Variants in ATAD3C observed in about 807,000 individuals in gnomAD.
ATAD3C encodes ATPase family AAA domain containing 3C, also known as ATPase family AAA domain-containing protein 3C.
ATAD3C carries 38 observed loss-of-function variants against 46.3 expected under a neutral mutation model. The ratio of observed to expected loss-of-function variants is 0.82; its 90% CI spans 0.63 to 1.08. ATAD3C has a LOEUF of 1.08. ATAD3C is among the 50% of genes least tolerant of loss of function. ATAD3C has a pLI of 0.00. For missense variants in ATAD3C, 563 were observed against 572.7 expected, an observed-to-expected ratio of 0.98 and a Z score of 0.17; for synonymous variants, 220 against 236.4, an observed-to-expected ratio of 0.93 and a Z score of 0.63.
rs1259384008 is a variant in ATAD3C, at chr1:1,453,642, C to CTT, written c.223-703_223-702insTT. 5.1e-4 allele frequency among the ~76,000 whole-genome samples: 49 copies of CTT among 96,292 alleles called. No individual in the cohort carries two copies. In the East Asian group the frequency reaches 0.03, roughly 59 times the overall value. The allele number at this position is 96,292 out of a possible 152,430, so 63.2% of individuals were successfully genotyped here. On this transcript the variant is annotated intron_variant, in intron 3 of 11. Coordinates refer to ENST00000378785, the MANE Select transcript of ATAD3C (RefSeq NM_001039211.3). ...ATGAGCCACCAGGCCTGGCATAAAC[C>CTT]ATTTTTTTTTTTTTGAGATGGAGTT...
In ATAD3C at chr1:1,460,815, AC is replaced by A. The variant is rs1557780025; in HGVS notation, c.879del (p.Asp293GlufsTer2). On this transcript the variant is annotated frameshift_variant, in exon 10 of 12. Transcript: ENST00000378785. LOFTEE classifies it high-confidence loss of function. ...QFDWAINACI[D>X]VMVHFDLPGQ... ...GACTGGGCCATCAATGCCTGCATCG[AC>A]GTGATGGTCCACTTCGACCTGCCAG... The A allele has an allele frequency of 4.2e-5, 68 of 1,612,964 alleles. No homozygotes were observed. Among genetic ancestry groups the A allele is most frequent in the Non-Finnish European group, 5.7e-5 (67 of 1,179,394 alleles).
At chr1:1,464,796 C>T (rs1639121480) in intron 11 of ATAD3C, among the ~76,000 whole-genome samples, 1 of 151,926 alleles carries the variant, frequency 6.6e-6, no homozygotes, top group Non-Finnish European at 1.5e-5. Context: ...GAATGGTTTT[C>T]CTATTTTTGT....
chr1:1,449,733 C>A lies in ATAD3C; in HGVS notation c.-951C>A, dbSNP rs1175163043. The A allele has an allele frequency of 6.6e-6, 1 of 151,952 alleles. No homozygotes were observed. Among genetic ancestry groups the A allele is most frequent in the Admixed American group, 6.6e-5 (1 of 15,206 alleles). 9.4% of individuals were successfully genotyped at this position (151,952 alleles called of 1,614,324 possible). On this transcript the variant is annotated 5_prime_UTR_variant, in exon 1 of 12. Coordinates refer to ENST00000378785, the MANE Select transcript of ATAD3C (RefSeq NM_001039211.3). ...AGGTCCTGCATATTTTCTCAATGGG[C>A]CACCGCGCCCGGCCAGAAGATTTTT...
In ATAD3C at chr1:1,470,052, A is replaced by G. The variant is rs1009227018; in HGVS notation, c.*1522A>G. 1.3e-5 allele frequency: 2 copies of G among 151,886 alleles called. No homozygotes were observed. The highest frequency in any genetic ancestry group is 4.8e-5 in the African/African-American group (2 of 41,336). 9.4% of individuals were successfully genotyped at this position (151,886 alleles called of 1,614,324 possible). On this transcript the variant is annotated 3_prime_UTR_variant, in exon 12 of 12. Coordinates refer to ENST00000378785, the MANE Select transcript of ATAD3C (RefSeq NM_001039211.3). Reference sequence around the variant, plus strand: ...AACATTGTCCCTAACTCCACCGCCTATCCCAAAACCTGTAAGAACTAGTGA... The same window carrying G: ...AACATTGTCCCTAACTCCACCGCCTGTCCCAAAACCTGTAAGAACTAGTGA...
chr1:1,461,621 T>G (rs28722863), intron 10 of ATAD3C, among the ~76,000 whole-genome samples: 4,729 of 132,910 alleles, frequency 0.036, 272 homozygotes, highest in African/African-American at 0.086. Flanking sequence ...CGAAGGAGAG[T>G]CTCCTCATGA....
intron 11 of ATAD3C, among the ~76,000 whole-genome samples, chr1:1,463,181 G>T (rs564236834): frequency 1.3e-5 from 2 of 152,226 alleles, no homozygotes; most frequent in South Asian, 4.1e-4. Context: ...CCCACAGCCA[G>T]TTGTTTCTCA....
chr1:1,457,919 C>A (rs11488465), intron 8 of ATAD3C, among the ~76,000 whole-genome samples: 24,229 of 151,250 alleles, frequency 0.16, 4,787 homozygotes, highest in East Asian at 0.46. Context: ...CTTGTAATGC[C>A]CCTGCCTCAG....
intron 11 of ATAD3C, among the ~76,000 whole-genome samples, chr1:1,468,157 T>C (rs1639174405): frequency 6.6e-6 from 1 of 152,122 alleles, no homozygotes; most frequent in Admixed American, 6.6e-5. Flanking sequence ...AGAAAGTCAT[T>C]GAGCAACATT....
chr1:1,462,415 C>T lies in ATAD3C; in HGVS notation c.981-185C>T, dbSNP rs572640799. 439 of 597,316 alleles carry T rather than the reference C, an allele frequency of 7.3e-4. 4 individuals carry two copies. The highest frequency in any genetic ancestry group is 7.3e-3 in the African/African-American group (387 of 53,018). The allele number at this position is 597,316 out of a possible 1,614,324, so 37.0% of individuals were successfully genotyped here. On this transcript the variant is annotated intron_variant, in intron 10 of 11. Transcript: ENST00000378785. The surrounding 1 kb of genome is among the most constrained non-coding windows in gnomAD (Gnocchi z 4.5). ...CCATCTCCAGGCCCCACAGCCGCCC[C>T]CTTCCTGCTCAGCCCAGGCCTGGCT...
chr1:1,459,090 T>C lies in ATAD3C; in HGVS notation c.742-71T>C, dbSNP rs1393818678. ...CTGCTCCCTGCAGGAGGGAGGCCTG[T>C]GGGACTTTCTGCTGTGGCTGTTTAC... On this transcript the variant is annotated intron_variant, in intron 8 of 11. Coordinates refer to ENST00000378785, the MANE Select transcript of ATAD3C (RefSeq NM_001039211.3). This position sits in a 1 kb window ranked among gnomAD's most constrained non-coding sequence, Gnocchi z 4.9. The C allele has an allele frequency of 1.3e-6, 2 of 1,560,760 alleles. No individual in the cohort carries two copies. The highest frequency in any genetic ancestry group is 1.7e-6 in the Non-Finnish European group (2 of 1,153,858).
rs574161074 is a variant in ATAD3C, at chr1:1,459,213, C to G, written c.794C>G (p.Thr265Arg). Residue 265 changes from threonine to arginine, a missense_variant, in exon 9 of 12, where the codon ACG (threonine) becomes AGG (arginine). This residue lies in a region of ATAD3C where 273 missense variants were observed against 253.5 expected (regional missense o/e 1.08). Coordinates refer to ENST00000378785, the MANE Select transcript of ATAD3C (RefSeq NM_001039211.3). The surrounding 1 kb of genome is among the most constrained non-coding windows in gnomAD (Gnocchi z 4.9). ...ACACTGAACGCCTTCCTGTACCGCACGGGCCAGCACAGCAACAAGTGAGGG... is the reference window on the plus strand; with the variant it reads ...ACACTGAACGCCTTCCTGTACCGCAGGGGCCAGCACAGCAACAAGTGAGGG... Reference protein sequence around the residue: ...RATLNAFLYRTGQHSNKFMLI... With the variant: ...RATLNAFLYRRGQHSNKFMLI... The G allele has an allele frequency of 3.1e-6, 5 of 1,612,498 alleles. No homozygotes were observed. The highest frequency in any genetic ancestry group is 1.3e-5 in the African/African-American group (1 of 74,944).
intron 3 of ATAD3C, among the ~76,000 whole-genome samples, chr1:1,453,519 T>C (rs1382746353): frequency 6.6e-6 from 1 of 151,908 alleles, no homozygotes; most frequent in Non-Finnish European, 1.5e-5. Context: ...GTATTTATAG[T>C]AGGGGTGGGG....
At position 1,468,558 on chromosome 1, in the gene ATAD3C, G is replaced by T; in HGVS notation, c.*28G>T. 1.3e-6 allele frequency: 2 copies of T among 1,589,268 alleles called. No homozygotes were observed. Among genetic ancestry groups the T allele is most frequent in the Non-Finnish European group, 1.7e-6 (2 of 1,167,244 alleles). Reference sequence around the variant, plus strand: ...CCATGGGGAGACCACACCTCACGGAGCCTGGCCGCGGACCCCTCCCACCCC... The same window carrying T: ...CCATGGGGAGACCACACCTCACGGATCCTGGCCGCGGACCCCTCCCACCCC... On this transcript the variant is annotated 3_prime_UTR_variant, in exon 12 of 12. Transcript: ENST00000378785.
In ATAD3C at chr1:1,450,818, T is replaced by C. The variant is rs1393431004; in HGVS notation, c.75+60T>C. 5.6e-6 allele frequency: 9 copies of C among 1,602,914 alleles called. No individual in the cohort carries two copies. In the Admixed American group the frequency reaches 1.4e-4, roughly 24 times the overall value. ...CACACATGGGGTTCGGGCGTGGAGA[T>C]TGGTAGGGCTACTGCCGGTGGGTAG... On this transcript the variant is annotated intron_variant, in intron 1 of 11. Transcript: ENST00000378785.
chr1:1,452,397 G>T lies in ATAD3C; in HGVS notation c.185G>T (p.Arg62Leu). 1.9e-6 allele frequency: 3 copies of T among 1,613,782 alleles called. No homozygotes were observed. The highest frequency in any genetic ancestry group is 2.5e-6 in the Non-Finnish European group (3 of 1,179,762). The change falls in exon 3 of 12, where the codon CGT becomes CTT. Residue 62 changes from arginine to leucine, a missense_variant. By Grantham distance (102) the Arg-to-Leu change is moderately radical. This residue lies in a region of ATAD3C where 263 missense variants were observed against 243.1 expected (regional missense o/e 1.08). Transcript: ENST00000378785. ...AAGTLFGEGF[R>L]AFVTDRDKVT... ...GGCACCTTGTTTGGGGAAGGATTCCGTGCCTTTGTGACAGACCGGGACAAA... is the reference window on the plus strand; with the variant it reads ...GGCACCTTGTTTGGGGAAGGATTCCTTGCCTTTGTGACAGACCGGGACAAA...
rs1404942182 is a variant in ATAD3C at position 1,462,730 on chromosome 1, C to T, written c.1089+22C>T. ...GCAGGTGAGTCAGGCTCGGGTGCAC[C>T]CACCCAGATGGAAGCCCAGCTGCTG... On this transcript the variant is annotated intron_variant, in intron 11 of 11. Transcript: ENST00000378785. This position sits in a 1 kb window ranked among gnomAD's most constrained non-coding sequence, Gnocchi z 4.5. 3 of 1,584,948 alleles carry T rather than the reference C, an allele frequency of 1.9e-6. No individual in the cohort carries two copies. In the African/African-American group the frequency reaches 4.0e-5, roughly 21 times the overall value.
In ATAD3C at chr1:1,468,461, G is replaced by C; in HGVS notation, c.1167G>C (p.Gln389His). ...CCTGCGTGCAAGACTTTGTCCAGCA[G>C]CACCAGCAGATGATGCGCTGGCTGA... ...MDACVQDFVQ[Q>H]HQQMMRWLKG... The change falls in exon 12 of 12, where the codon CAG becomes CAC. Residue 389 changes from glutamine to histidine, a missense_variant. Gln to His is a conservative substitution (Grantham distance 24). Transcript: ENST00000378785. The C allele has an allele frequency of 6.2e-7, 1 of 1,612,860 alleles. No homozygotes were observed. The highest frequency in any genetic ancestry group is 8.5e-7 in the Non-Finnish European group (1 of 1,179,414).
Position 1,460,912 on chromosome 1 carries a change from A to G in ATAD3C, c.975A>G (p.Gly325=), listed in dbSNP as rs1557780115. 1.2e-6 allele frequency: 2 copies of G among 1,607,356 alleles called. No homozygotes were observed. Among genetic ancestry groups the G allele is most frequent in the Non-Finnish European group, 1.7e-6 (2 of 1,176,312 alleles). The change falls in exon 10 of 12, where the codon GGA becomes GGG. Residue 325 remains glycine, a synonymous_variant. Coordinates refer to ENST00000378785, the MANE Select transcript of ATAD3C (RefSeq NM_001039211.3). The part of the protein sequence containing the change: ...NEYVLKPATE[G]KRRLKLAQFD... ...ATGTTCTTAAGCCGGCCACAGAAGG[A>G]AAGCGGTAAGTGTCCCGCCCCACCA... is the stretch of plus-strand genomic sequence containing the variant.
At position 1,462,627 on chromosome 1, in the gene ATAD3C, C is replaced by T. The variant is rs373872196; in HGVS notation, c.1008C>T (p.Tyr336=). The part of the protein sequence containing the change: ...KRRLKLAQFD[Y]GRKCLEIARL... Reference sequence around the variant, plus strand: ...GTCTGAAGCTGGCCCAGTTTGACTACGGGAGGAAGTGCTTAGAGATCGCTC... The same window carrying T: ...GTCTGAAGCTGGCCCAGTTTGACTATGGGAGGAAGTGCTTAGAGATCGCTC... Residue 336 remains tyrosine, a synonymous_variant, in exon 11 of 12, where the codon TAC becomes TAT. Coordinates refer to ENST00000378785, the MANE Select transcript of ATAD3C (RefSeq NM_001039211.3). This position sits in a 1 kb window ranked among gnomAD's most constrained non-coding sequence, Gnocchi z 4.5. 6.0e-5 allele frequency: 97 copies of T among 1,603,992 alleles called. 2 individuals are homozygous for T. Among genetic ancestry groups the T allele is most frequent in the Admixed American group, 4.1e-4 (24 of 58,180 alleles).
Sources: allele counts gnomAD v4.1 joint callset (sites outside exome capture counted in the v4.1 genomes callset), GRCh38; gene constraint gnomAD v4.1.1; regional missense constraint gnomAD v4.1.1; non-coding constraint Gnocchi (gnomAD v3.1); transcripts MANE v1.5; gene names NCBI Gene and HGNC (gene_info 2026-07-23, HGNC 2026-07-21).